The following FAM117A variants were observed in gnomAD, a reference collection of about 807,000 sequenced individuals.
FAM117A encodes the protein family with sequence similarity 117 member A, also known as protein FAM117A.
A neutral mutation model predicts 44.1 loss-of-function variants in FAM117A; 21 were observed. The ratio of observed to expected loss-of-function variants is 0.48; its 90% CI spans 0.34 to 0.69. FAM117A has a LOEUF of 0.69. Ranked by LOEUF, FAM117A falls within the 30% of genes least tolerant of loss-of-function variation. FAM117A has a pLI of 0.01. For missense variants in FAM117A, 498 were observed against 589.9 expected (o/e 0.84, Z 1.61); for synonymous variants, 220 against 238.3 (o/e 0.92, Z 0.71).
intron 1 of FAM117A, among the ~76,000 whole-genome samples, chr17:49,751,279 CAAAAAAAAA>C (rs746063068): frequency 1.9e-4 from 8 of 42,560 alleles, no homozygotes; most frequent in African/African-American, 7.3e-4. Context: ...AATCTGTCTC[CAAAAAAAAA>C]AAAAAAAAAA....
Position 49,732,629 on chromosome 17 carries a change from G to C in FAM117A, c.288C>G (p.Leu96=). 1.2e-6 allele frequency: 2 copies of C among 1,614,198 alleles called. No individual in the cohort carries two copies. The highest frequency in any genetic ancestry group is 1.7e-6 in the Non-Finnish European group (2 of 1,180,044). ...GCCACTGGCCCAGAAGGTAGGAGCTGAGGATGGTGTCCAGGGAGAATGTAC... is the reference window on the plus strand; with the variant it reads ...GCCACTGGCCCAGAAGGTAGGAGCTCAGGATGGTGTCCAGGGAGAATGTAC... ...VRRTFSLDTI[L]SSYLLGQWPR... is the part of the protein sequence containing the mutation. Residue 96 remains leucine (L), a synonymous_variant, in exon 2 of 8, where the codon CTC becomes CTG. Coordinates refer to ENST00000240364, the MANE Select transcript of FAM117A (RefSeq NM_030802.4).
At chr17:49,711,584 A>T (rs1201535371) in intron 7 of FAM117A, 29 bp from the exon 8 acceptor site, 1 of 1,599,706 alleles carries the variant, frequency 6.3e-7, no homozygotes, top group African/African-American at 1.3e-5. Flanking sequence ...CACACAAGAC[A>T]CATACGTACA....
intron 1 of FAM117A, among the ~76,000 whole-genome samples, chr17:49,739,952 C>T (rs1567831448): frequency 6.6e-6 from 1 of 152,202 alleles, no homozygotes; most frequent in Non-Finnish European, 1.5e-5. Flanking sequence ...TGAGCAGTGG[C>T]GGATGCTTTG....
At chr17:49,751,943 CA>C (rs71146933) in intron 1 of FAM117A, among the ~76,000 whole-genome samples, 17,182 of 56,734 alleles carry the variant, frequency 0.3, 534 homozygotes, top group Middle Eastern at 0.45. Context: ...GACTCCATCT[CA>C]AAAAAAAAAA....
rs78156115 is a variant in FAM117A, at chr17:49,713,346, T to C, written c.1062-1791A>G. ...AGAGGGTGAAACAGCCCTAAGAAGC[T>C]GACGGTTTGAAAATCCCAGGTGAGA... On this transcript the variant is annotated intron_variant, in intron 7 of 7. Coordinates refer to ENST00000240364, the MANE Select transcript of FAM117A (RefSeq NM_030802.4). Among the ~76,000 whole-genome samples the C allele has an allele frequency of 2.2e-4, 33 of 152,292 alleles. No individual in the cohort carries two copies. In the East Asian group the frequency reaches 5.4e-3, roughly 25 times the overall value.
chr17:49,763,264 G>A (rs1191850642), intron 1 of FAM117A, among the ~76,000 whole-genome samples: 1 of 152,070 alleles, frequency 6.6e-6, no homozygotes, highest in South Asian at 2.1e-4. Context: ...AATGCAGGGA[G>A]CTGGGCATTT....
chr17:49,720,451 A>G lies in FAM117A; in HGVS notation c.463-15T>C, dbSNP rs753202848. ...AACTTGGAAATCTAGCAGCCCAGAG[A>G]GAAGACGACAGAGGCAGATTAAGGA... On this transcript the variant is annotated splice_polypyrimidine_tract_variant and intron_variant, in intron 3 of 7. Coordinates refer to ENST00000240364, the MANE Select transcript of FAM117A (RefSeq NM_030802.4). 2.5e-6 allele frequency: 4 copies of G among 1,607,162 alleles called. No individual in the cohort carries two copies. Among genetic ancestry groups the G allele is most frequent in the Non-Finnish European group, 3.4e-6 (4 of 1,176,212 alleles).
At chr17:49,731,602 A>G (rs1364959344) in intron 2 of FAM117A, among the ~76,000 whole-genome samples, 1 of 152,144 alleles carries the variant, frequency 6.6e-6, no homozygotes, top group Admixed American at 6.5e-5. Flanking sequence ...TTGAATGGGT[A>G]CACTGAAATC....
intron 1 of FAM117A, 197 bp from the exon 2 acceptor site, chr17:49,732,917 T>C (rs1299003641): frequency 6.9e-6 from 4 of 583,778 alleles, no homozygotes; most frequent in Non-Finnish European, 1.2e-5. Flanking sequence ...CAGCCAGCCT[T>C]TATCATGGGA....
chr17:49,720,668 A>G (rs2143705169), intron 3 of FAM117A, among the ~76,000 whole-genome samples: 1 of 152,340 alleles, frequency 6.6e-6, no homozygotes, highest in Non-Finnish European at 1.5e-5. Flanking sequence ...AATAATTAAA[A>G]ATATACAACA....
At chr17:49,723,902 A>C (rs1233796198) in intron 2 of FAM117A, among the ~76,000 whole-genome samples, 1 of 152,110 alleles carries the variant, frequency 6.6e-6, no homozygotes, top group Non-Finnish European at 1.5e-5. Context: ...TGTTCTGATG[A>C]GCATCACGAG....
At chr17:49,712,981 ATCC>A (rs1363491714) in intron 7 of FAM117A, among the ~76,000 whole-genome samples, 2 of 152,160 alleles carry the variant, frequency 1.3e-5, no homozygotes, top group Non-Finnish European at 2.9e-5. Context: ...GGTGCAAGTA[ATCC>A]TCCTGCTCAG....
At chr17:49,720,569 T>C in intron 3 of FAM117A, 133 bp from the exon 4 acceptor site, 2 of 666,286 alleles carry the variant, frequency 3.0e-6, no homozygotes, top group Non-Finnish European at 5.2e-6. Flanking sequence ...TAATCTTCCA[T>C]CTCAAAATAG....
chr17:49,728,726 C>A (rs1055119583), intron 2 of FAM117A, among the ~76,000 whole-genome samples: 1 of 152,218 alleles, frequency 6.6e-6, no homozygotes, highest in African/African-American at 2.4e-5. Flanking sequence ...CTGCCCTCAC[C>A]CACCCTGGCC....
chr17:49,766,071 T>C (rs2073744984), upstream of FAM117A, among the ~76,000 whole-genome samples: 1 of 152,140 alleles, frequency 6.6e-6, no homozygotes, highest in African/African-American at 2.4e-5. Flanking sequence ...AGGTACATGT[T>C]AAGTACCATG....
intron 1 of FAM117A, among the ~76,000 whole-genome samples, chr17:49,755,785 G>A (rs2073696492): frequency 6.6e-6 from 1 of 152,172 alleles, no homozygotes; most frequent in African/African-American, 2.4e-5. Flanking sequence ...CAGTATGTGG[G>A]GACCAGAAGT....
chr17:49,770,641 C>T (rs577701272), intron 1 of FAM117A, among the ~76,000 whole-genome samples: 4 of 152,228 alleles, frequency 2.6e-5, no homozygotes, highest in Admixed American at 6.5e-5. Flanking sequence ...TGGTGGCTCA[C>T]GCCTGTAATC....
In FAM117A at chr17:49,746,706, T is replaced by A. The variant is rs531333114; in HGVS notation, c.197-13986A>T. Among the ~76,000 whole-genome samples the A allele has an allele frequency of 2.0e-5, 3 of 152,342 alleles. No homozygotes were observed. In the South Asian group the frequency reaches 6.2e-4, roughly 32 times the overall value. ...CCCCTCGGCATCCATTTGTCATGATTGCTCTTCAAAAGGAATGCAGAAACC... is the reference window on the plus strand; with the variant it reads ...CCCCTCGGCATCCATTTGTCATGATAGCTCTTCAAAAGGAATGCAGAAACC... On this transcript the variant is annotated intron_variant, in intron 1 of 7. Transcript: ENST00000240364.
upstream of FAM117A, among the ~76,000 whole-genome samples, chr17:49,768,897 C>T (rs1334943981): frequency 6.6e-6 from 1 of 152,196 alleles, no homozygotes; most frequent in Non-Finnish European, 1.5e-5. Flanking sequence ...TCTTAGCTCT[C>T]TCACTTGTTC....
Sources: gnomAD v4.1 joint callset for allele counts (sites outside exome capture counted in the v4.1 genomes callset) on GRCh38, gnomAD v4.1.1 for gene constraint, MANE v1.5 for transcripts, NCBI Gene and HGNC (gene_info 2026-07-23, HGNC 2026-07-21) for gene names.